SGTA: variants seen among roughly 807,000 people sequenced by gnomAD.
The protein encoded by SGTA is small glutamine-rich tetratricopeptide repeat-containing protein alpha.
SGTA carries 22 observed loss-of-function variants against 44.3 expected under a neutral mutation model. The observed-to-expected ratio is 0.50, with a 90% CI of 0.36 to 0.71. SGTA has a LOEUF of 0.71. Ranked by LOEUF, SGTA falls within the 30% of genes least tolerant of loss-of-function variation. The pLI is 0.00. For synonymous variants in SGTA, 174 were observed against 177.6 expected, an observed-to-expected ratio of 0.98 and a Z score of 0.16; for missense variants, 341 against 435.9, an observed-to-expected ratio of 0.78 and a Z score of 1.94.
chr19:2,771,069 C>T (rs775128741), intron 1 of SGTA, among the ~76,000 whole-genome samples: 11 of 152,122 alleles, frequency 7.2e-5, no homozygotes, highest in Admixed American at 2.6e-4. Flanking sequence ...TGTCAGGGGT[C>T]GGGGAAAAAA....
At position 2,765,957 on chromosome 19, in the gene SGTA, G is replaced by A. The variant is rs534837772; in HGVS notation, c.293-672C>T. Among the ~76,000 whole-genome samples the A allele has an allele frequency of 3.6e-3, 549 of 152,328 alleles. 4 individuals carry two copies. The highest frequency in any genetic ancestry group is 0.013 in the African/African-American group (541 of 41,566). ...TATAAGCCCGGGCGCGGTGGCTCATGCTTATAATCCCAGCACTTTGGGAGG... is the reference window on the plus strand; with the variant it reads ...TATAAGCCCGGGCGCGGTGGCTCATACTTATAATCCCAGCACTTTGGGAGG... On this transcript the variant is annotated intron_variant, in intron 4 of 11. Coordinates refer to ENST00000221566, the MANE Select transcript of SGTA (RefSeq NM_003021.4). This position sits in a 1 kb window ranked among gnomAD's most constrained non-coding sequence, Gnocchi z 5.5.
In SGTA at chr19:2,765,398, T is replaced by G. The variant is rs567270417; in HGVS notation, c.293-113A>C. ...ACACAGACCCGAGGGGGCGTCACAC[T>G]TGGCTCTTCTGGGCAGCCAGGACTC... On this transcript the variant is annotated intron_variant, in intron 4 of 11. Coordinates refer to ENST00000221566, the MANE Select transcript of SGTA (RefSeq NM_003021.4). The surrounding 1 kb of genome is among the most constrained non-coding windows in gnomAD (Gnocchi z 5.5). 4.0e-6 allele frequency: 3 copies of G among 753,972 alleles called. No individual in the cohort carries two copies. The South Asian group carries it at 4.7e-5, about 12-fold the overall frequency. The allele number at this position is 753,972 out of a possible 1,614,324, so 46.7% of individuals were successfully genotyped here.
Position 2,771,833 on chromosome 19 carries a change from C to T in SGTA, c.-23-2742G>A, listed in dbSNP as rs562541860. ...GGGCAGCCCTTGGGGAGGCCCTGGC[C>T]GTGGGATGGGACCCCCATCCTCTGT... On this transcript the variant is annotated intron_variant, in intron 1 of 11. Transcript: ENST00000221566. Among the ~76,000 whole-genome samples the T allele has an allele frequency of 9.2e-5, 14 of 152,346 alleles. No homozygotes were observed. The East Asian group carries it at 2.7e-3, about 29-fold the overall frequency.
chr19:2,762,575 G>A lies in SGTA; in HGVS notation c.567C>T (p.Asp189=), dbSNP rs558710271. Residue 189 remains aspartate, a synonymous_variant, in exon 7 of 12, where the codon GAC becomes GAT. Transcript: ENST00000221566. ...VAYYKKALEL[D]PDNETYKSNL... ...TGGACTTGTATGTCTCGTTGTCGGG[G>A]TCCAGCTCCAGAGCCTTCTTGTAGT... The A allele has an allele frequency of 4.3e-6, 7 of 1,614,118 alleles. No homozygotes were observed. The South Asian group carries it at 6.6e-5, about 15-fold the overall frequency.
intron 1 of SGTA, among the ~76,000 whole-genome samples, chr19:2,774,848 G>A (rs529579201): frequency 6.6e-6 from 1 of 152,266 alleles, no homozygotes; most frequent in Non-Finnish European, 1.5e-5. Context: ...TGCTGAAGCT[G>A]TGTGCGCGCG....
At chr19:2,770,258 C>T in intron 1 of SGTA, 1 of 154,896 alleles carries the variant, frequency 6.5e-6, no homozygotes, top group Non-Finnish European at 1.4e-5. Flanking sequence ...CTAAAGGGTG[C>T]CAGATGGTGA....
intron 1 of SGTA, among the ~76,000 whole-genome samples, chr19:2,769,793 G>A (rs114658030): frequency 0.041 from 1,806 of 44,112 alleles, 62 homozygotes; most frequent in African/African-American, 0.14. Flanking sequence ...TCGGACACCC[G>A]CCTGGTTCCC....
At position 2,767,324 on chromosome 19, in the gene SGTA, G is replaced by A. The variant is rs1915174087; in HGVS notation, c.208-104C>T. On this transcript the variant is annotated intron_variant, in intron 3 of 11. Coordinates refer to ENST00000221566, the MANE Select transcript of SGTA (RefSeq NM_003021.4). This position sits in a 1 kb window ranked among gnomAD's most constrained non-coding sequence, Gnocchi z 7.3. Reference sequence around the variant, plus strand: ...CCAGAGAGGGCCACCAAGTTCCGAAGGACCCGGGGGCTCTGCAGGGGACTC... The same window carrying A: ...CCAGAGAGGGCCACCAAGTTCCGAAAGACCCGGGGGCTCTGCAGGGGACTC... 1.1e-6 allele frequency: 1 copy of A among 910,454 alleles called. No individual in the cohort carries two copies. Among genetic ancestry groups the A allele is most frequent in the Non-Finnish European group, 1.7e-6 (1 of 591,594 alleles). The allele number at this position is 910,454 out of a possible 1,614,324, so 56.4% of individuals were successfully genotyped here.
At chr19:2,775,222 C>T (rs1419048537) in intron 1 of SGTA, among the ~76,000 whole-genome samples, 1 of 152,256 alleles carries the variant, frequency 6.6e-6, no homozygotes, top group African/African-American at 2.4e-5. Context: ...GGATCCGCGC[C>T]CGGCAGGCGC....
chr19:2,767,299 C>A lies in SGTA; in HGVS notation c.208-79G>T, dbSNP rs1381734343. The A allele has an allele frequency of 1.2e-5, 13 of 1,124,618 alleles. No homozygotes were observed. Among genetic ancestry groups the A allele is most frequent in the Non-Finnish European group, 1.3e-6 (1 of 776,278 alleles). 69.7% of individuals were successfully genotyped at this position (1,124,618 alleles called of 1,614,324 possible). On this transcript the variant is annotated intron_variant, in intron 3 of 11. Coordinates refer to ENST00000221566, the MANE Select transcript of SGTA (RefSeq NM_003021.4). The surrounding 1 kb of genome is among the most constrained non-coding windows in gnomAD (Gnocchi z 7.3). ...TCCGGCCTTAGCTTCCCTCGGGACGCCAGAGAGGGCCACCAAGTTCCGAAG... is the reference window on the plus strand; with the variant it reads ...TCCGGCCTTAGCTTCCCTCGGGACGACAGAGAGGGCCACCAAGTTCCGAAG...
At chr19:2,762,150 C>T (rs1380450067) in intron 7 of SGTA, among the ~76,000 whole-genome samples, 1 of 152,166 alleles carries the variant, frequency 6.6e-6, no homozygotes, top group African/African-American at 2.4e-5. Flanking sequence ...AGGCCAGGGA[C>T]CAGGCAACCA....
intron 1 of SGTA, among the ~76,000 whole-genome samples, chr19:2,777,022 G>A (rs1915458946): frequency 6.6e-6 from 1 of 151,926 alleles, no homozygotes; most frequent in Non-Finnish European, 1.5e-5. Context: ...CAACACTTTG[G>A]GAAGCCGAGG....
chr19:2,772,381 G>T (rs1267118398), intron 1 of SGTA, among the ~76,000 whole-genome samples: 1 of 152,228 alleles, frequency 6.6e-6, no homozygotes, highest in African/African-American at 2.4e-5. Context: ...ACACCTACAA[G>T]GAAACTCTGA....
At chr19:2,759,451 C>T in intron 8 of SGTA, 157 bp from the exon 9 acceptor site, 1 of 656,214 alleles carries the variant, frequency 1.5e-6, no homozygotes, top group Admixed American at 2.7e-5. Flanking sequence ...CTTTTCCCTA[C>T]ATTTTCGCCC....
chr19:2,761,838 AG>A lies in SGTA; in HGVS notation c.637-317del, dbSNP rs1193647665. Among the ~76,000 whole-genome samples, 1 of 146,806 alleles carries A rather than the reference AG, an allele frequency of 6.8e-6. No individual in the cohort carries two copies. The highest frequency in any genetic ancestry group is 2.6e-5 in the African/African-American group (1 of 38,738). On this transcript the variant is annotated intron_variant, in intron 7 of 11. Transcript: ENST00000221566. The surrounding 1 kb of genome is among the most constrained non-coding windows in gnomAD (Gnocchi z 5.7). ...ATCATCCCGTGTTTATTCCCCGCAC[AG>A]CGCGACCGCCCGGGGACGGCACAGT...
chr19:2,765,793 C>G lies in SGTA; in HGVS notation c.293-508G>C, dbSNP rs1915122239. Reference sequence around the variant, plus strand: ...CCAGCTGCTATCCTAGAACTGAGAGCCCTGAAGACAGAAACCCACTCCCGC... The same window carrying G: ...CCAGCTGCTATCCTAGAACTGAGAGGCCTGAAGACAGAAACCCACTCCCGC... On this transcript the variant is annotated intron_variant, in intron 4 of 11. Coordinates refer to ENST00000221566, the MANE Select transcript of SGTA (RefSeq NM_003021.4). This position sits in a 1 kb window ranked among gnomAD's most constrained non-coding sequence, Gnocchi z 5.5. Among the ~76,000 whole-genome samples, 1 of 152,142 alleles carries G rather than the reference C, an allele frequency of 6.6e-6. No homozygotes were observed. Among genetic ancestry groups the G allele is most frequent in the Non-Finnish European group, 1.5e-5 (1 of 68,036 alleles).
In SGTA at chr19:2,767,294, G is replaced by A. The variant is rs976066144; in HGVS notation, c.208-74C>T. On this transcript the variant is annotated intron_variant, in intron 3 of 11. Transcript: ENST00000221566. This position sits in a 1 kb window ranked among gnomAD's most constrained non-coding sequence, Gnocchi z 7.3. Reference sequence around the variant, plus strand: ...CACCCTCCGGCCTTAGCTTCCCTCGGGACGCCAGAGAGGGCCACCAAGTTC... The same window carrying A: ...CACCCTCCGGCCTTAGCTTCCCTCGAGACGCCAGAGAGGGCCACCAAGTTC... 17 of 1,229,502 alleles carry A rather than the reference G, an allele frequency of 1.4e-5. No individual in the cohort carries two copies. The African/African-American group carries it at 2.4e-4, about 17-fold the overall frequency. The allele number at this position is 1,229,502 out of a possible 1,614,324, so 76.2% of individuals were successfully genotyped here.
chr19:2,767,738 C>G lies in SGTA; in HGVS notation c.101-52G>C. The G allele has an allele frequency of 6.9e-7, 1 of 1,445,350 alleles. No homozygotes were observed. Among genetic ancestry groups the G allele is most frequent in the Non-Finnish European group, 9.7e-7 (1 of 1,028,574 alleles). 89.5% of individuals were successfully genotyped at this position (1,445,350 alleles called of 1,614,324 possible). The stretch of plus-strand genomic sequence containing the variant: ...TTCATTGCACGCAGCCCCGAGGTTA[C>G]GTTTTTGGGTCTAGAGGGCGGGGTT... On this transcript the variant is annotated intron_variant, in intron 2 of 11. Coordinates refer to ENST00000221566, the MANE Select transcript of SGTA (RefSeq NM_003021.4). The surrounding 1 kb of genome is among the most constrained non-coding windows in gnomAD (Gnocchi z 7.3).
intron 5 of SGTA, among the ~76,000 whole-genome samples, chr19:2,764,012 C>T (rs953936835): frequency 2.0e-5 from 3 of 152,166 alleles, no homozygotes; most frequent in African/African-American, 7.2e-5. Flanking sequence ...AAAAATGTTC[C>T]GATCCATGGC....
Sources: gnomAD v4.1 joint callset for allele counts (sites outside exome capture counted in the v4.1 genomes callset) on GRCh38, gnomAD v4.1.1 for gene constraint, Gnocchi (gnomAD v3.1) non-coding constraint, MANE v1.5 for transcripts, NCBI Gene and HGNC (gene_info 2026-07-23, HGNC 2026-07-21) for gene names.